Variants in XRCC6 observed in about 807,000 individuals in gnomAD.
XRCC6 encodes X-ray repair cross complementing 6.
Under a neutral mutation model 65.7 loss-of-function variants are expected in XRCC6, and 5 were observed. The ratio of observed to expected loss-of-function variants is 0.08; its 90% confidence interval spans 0.04 to 0.16. The LOEUF (loss-of-function observed/expected upper bound fraction) is 0.16. Among genes scored for constraint, XRCC6 ranks in the 10% least tolerant of loss-of-function variants. The probability of loss-of-function intolerance (pLI) is 1.00; values close to 1 mark genes in which losing one functional copy is unlikely to be tolerated. For missense variants in XRCC6, 447 were observed against 738.1 expected, an observed-to-expected ratio of 0.61 and a Z score of 4.57; for synonymous variants, 270 against 270.6, an observed-to-expected ratio of 1.00 and a Z score of 0.02.
chr22:41,642,959 T>C (rs1452788672), intron 6 of XRCC6, among the ~76,000 whole-genome samples: 1 of 152,222 alleles, frequency 6.6e-6, no homozygotes, highest in Non-Finnish European at 1.5e-5. Flanking sequence ...AAATTTCTAT[T>C]TGTGGCTCTG....
At chr22:41,628,385 C>T in intron 3 of XRCC6, 155 bp downstream of exon 3, 1 of 542,048 alleles carries the variant, frequency 1.8e-6, no homozygotes, top group Non-Finnish European at 3.2e-6. Flanking sequence ...TGGAGAAACC[C>T]CGTCTCTACA....
intron 11 of XRCC6, 39 bp downstream of exon 11, chr22:41,658,391 C>T (rs2147115870): frequency 3.1e-6 from 5 of 1,587,904 alleles, no homozygotes; most frequent in Non-Finnish European, 4.3e-6. Flanking sequence ...TCATGGGAGG[C>T]TTTCTTACTG....
At chr22:41,642,465 A>G (rs762797635) in intron 6 of XRCC6, among the ~76,000 whole-genome samples, 6 of 151,934 alleles carry the variant, frequency 3.9e-5, no homozygotes, top group Non-Finnish European at 5.9e-5. Context: ...ATGTGATCCT[A>G]TTTGTCCGTT....
intron 2 of XRCC6, among the ~76,000 whole-genome samples, chr22:41,624,562 C>T (rs1476053008): frequency 6.6e-6 from 1 of 151,208 alleles, no homozygotes; most frequent in African/African-American, 2.4e-5. Flanking sequence ...GTGGCAGGCG[C>T]CTGTAGTCCC....
At chr22:41,633,467 C>G (rs569477434) in intron 3 of XRCC6, among the ~76,000 whole-genome samples, 1 of 151,632 alleles carries the variant, frequency 6.6e-6, no homozygotes, top group Non-Finnish European at 1.5e-5. Context: ...AGCTCTGCCT[C>G]CTGGGTTCAC....
chr22:41,653,821 T>G (rs939232392), intron 9 of XRCC6, 131 bp downstream of exon 9: 63 of 1,214,030 alleles, frequency 5.2e-5, no homozygotes, highest in Admixed American at 5.6e-5. Context: ...TTTTTAAGCT[T>G]TCTTGGGTGA....
intron 8 of XRCC6, 87 bp from the exon 9 acceptor site, chr22:41,653,442 G>T: frequency 7.7e-7 from 1 of 1,300,230 alleles, no homozygotes; most frequent in Non-Finnish European, 1.1e-6. Context: ...GCCCTTTAAA[G>T]AAAATGGAAG....
At chr22:41,641,190 T>G (rs561980876) in intron 6 of XRCC6, among the ~76,000 whole-genome samples, 2 of 152,366 alleles carry the variant, frequency 1.3e-5, no homozygotes, top group East Asian at 3.9e-4. Context: ...TGTTAGCTGT[T>G]CTTATTTTGT....
intron 11 of XRCC6, among the ~76,000 whole-genome samples, chr22:41,660,360 A>C (rs1217948180): frequency 6.6e-6 from 1 of 152,118 alleles, no homozygotes; most frequent in Non-Finnish European, 1.5e-5. Context: ...TTCTTCTTAC[A>C]TTCTGGTTTC....
At chr22:41,621,639 G>A (rs2067606021) in intron 1 of XRCC6, 1 of 201,616 alleles carries the variant, frequency 5.0e-6, no homozygotes, top group Admixed American at 5.6e-5. Flanking sequence ...GGAATTTGGG[G>A]AGGTTTTTGG....
chr22:41,641,887 G>A (rs976813166), intron 6 of XRCC6, among the ~76,000 whole-genome samples: 1 of 152,018 alleles, frequency 6.6e-6, no homozygotes, highest in Non-Finnish European at 1.5e-5. Context: ...CTGCCTTCTG[G>A]ATTCAAGCAG....
At chr22:41,649,851 A>G (rs1482685407) in intron 7 of XRCC6, among the ~76,000 whole-genome samples, 1 of 21,300 alleles carries the variant, frequency 4.7e-5, no homozygotes, top group African/African-American at 7.6e-5. Flanking sequence ...AAAAAAAAAT[A>G]ATAATAAATA....
chr22:41,646,581 G>A (rs530167006), intron 6 of XRCC6, among the ~76,000 whole-genome samples: 58 of 152,248 alleles, frequency 3.8e-4, no homozygotes, highest in African/African-American at 1.3e-3. Flanking sequence ...CAACCAGTAA[G>A]TACTATAAAA....
intron 3 of XRCC6, among the ~76,000 whole-genome samples, chr22:41,629,667 T>C (rs2067718010): frequency 6.6e-6 from 1 of 152,104 alleles, no homozygotes; most frequent in South Asian, 2.1e-4. Flanking sequence ...TATTTATTTA[T>C]TTATTTTTAT....
At position 41,636,733 on chromosome 22, in the gene XRCC6, C is replaced by T. The variant is rs199875505; in HGVS notation, c.552C>T (p.Ser184=). The change falls in exon 5 of 13, where the codon AGC becomes AGT. Residue 184 remains serine, a synonymous_variant. Transcript: ENST00000360079. ...ATGGCAATGACAGTGCCAAAGCCAG[C>T]CGGGCCAGGACCAAAGCCGGTGATC... ...NPHGNDSAKA[S]RARTKAGDLR... 2.3e-5 allele frequency: 37 copies of T among 1,614,046 alleles called. No individual in the cohort carries two copies. The highest frequency in any genetic ancestry group is 3.1e-5 in the Non-Finnish European group (36 of 1,180,044).
chr22:41,648,555 C>T (rs923219650), intron 7 of XRCC6, among the ~76,000 whole-genome samples: 12 of 152,030 alleles, frequency 7.9e-5, no homozygotes, highest in East Asian at 1.9e-4. Flanking sequence ...AGATGCAGGA[C>T]GCAGAACATT....
intron 2 of XRCC6, among the ~76,000 whole-genome samples, chr22:41,623,996 T>TA (rs1156833788): frequency 6.6e-6 from 1 of 152,098 alleles, no homozygotes; most frequent in East Asian, 1.9e-4. Flanking sequence ...GTGCTGGAAT[T>TA]ACAGGTGTGA....
At chr22:41,651,361 A>ATTTTTTTTTTTTTTTTTTT (rs764795746) in intron 8 of XRCC6, among the ~76,000 whole-genome samples, 1 of 49,758 alleles carries the variant, frequency 2.0e-5, no homozygotes, top group African/African-American at 6.2e-5. Context: ...AGTTAAACAG[A>ATTTTTTTTTTTTTTTTTTT]TTTTTTTTTT....
At chr22:41,646,049 A>G (rs777017785) in intron 6 of XRCC6, among the ~76,000 whole-genome samples, 5 of 152,052 alleles carry the variant, frequency 3.3e-5, no homozygotes, top group Non-Finnish European at 7.4e-5. Context: ...CACACCTGTA[A>G]TCCCAGCACT....
Sources: allele counts gnomAD v4.1 joint callset (sites outside exome capture counted in the v4.1 genomes callset), GRCh38; gene constraint gnomAD v4.1.1; transcripts MANE v1.5; gene names NCBI Gene and HGNC (gene_info 2026-07-23, HGNC 2026-07-21).